The following CWH43 variants were observed in gnomAD, a reference collection of about 807,000 sequenced individuals.
CWH43 encodes the protein cell wall biogenesis 43 C-terminal homolog, also known as PGAP2-interacting protein.
CWH43 carries 91 observed loss-of-function variants against 85.7 expected under a neutral mutation model. That is an observed-to-expected ratio of 1.06 (90% confidence interval 0.90 to 1.26). The LOEUF (loss-of-function observed/expected upper bound fraction) is 1.26, where lower values mean the gene tolerates loss of function less well. Ranked by LOEUF, CWH43 falls within the 50% of genes most tolerant of loss-of-function variation. CWH43 has a pLI of 0.00. For missense variants in CWH43, 869 were observed against 839.2 expected, an observed-to-expected ratio of 1.04 and a Z score of -0.44; for synonymous variants, 323 against 293.6, an observed-to-expected ratio of 1.10 and a Z score of -1.02.
intron 3 of CWH43, 119 bp downstream of exon 3, chr4:48,991,693 T>TC: frequency 8.6e-7 from 1 of 1,169,480 alleles, no homozygotes. Flanking sequence ...TGTCAAAGTC[T>TC]CCTTTTTTTT....
At chr4:49,023,184 T>G (rs949482168) in intron 9 of CWH43, among the ~76,000 whole-genome samples, 9 of 152,214 alleles carry the variant, frequency 5.9e-5, no homozygotes, top group Non-Finnish European at 8.8e-5. Context: ...TGCTGTGAAC[T>G]TTCTTCTTAG....
chr4:49,056,757 CTT>C (rs1309296410), intron 15 of CWH43, among the ~76,000 whole-genome samples: 1 of 151,618 alleles, frequency 6.6e-6, no homozygotes, highest in Non-Finnish European at 1.5e-5. Context: ...TGTTTGATGT[CTT>C]TATTTTTTCT....
At chr4:49,027,854 C>A (rs1232176255) in intron 9 of CWH43, among the ~76,000 whole-genome samples, 1 of 152,098 alleles carries the variant, frequency 6.6e-6, no homozygotes, top group Non-Finnish European at 1.5e-5. Context: ...AGTAGGTAAT[C>A]ATTTGAGATG....
At chr4:48,991,706 T>G (rs1275198137) in intron 3 of CWH43, 132 bp downstream of exon 3, 11 of 1,121,574 alleles carry the variant, frequency 9.8e-6, no homozygotes, top group Non-Finnish European at 1.4e-5. Flanking sequence ...TTTTTTTTCC[T>G]TTTCCCAAAA....
At position 49,038,046 on chromosome 4, in the gene CWH43, G is replaced by A. The variant is rs749053330; in HGVS notation, c.1669G>A (p.Asp557Asn). 4.4e-6 allele frequency: 7 copies of A among 1,598,696 alleles called. No homozygotes were observed. Among genetic ancestry groups the A allele is most frequent in the South Asian group, 1.1e-5 (1 of 87,248 alleles). Residue 557 changes from aspartate (D) to asparagine (N), a missense_variant, in exon 13 of 16, where the codon GAC becomes AAC. Physicochemically the swap from Asp to Asn is conservative, Grantham distance 23. Around this residue, in one of 3 missense-constraint regions of CWH43, gnomAD observed 577 missense variants for 513.1 expected, o/e 1.12. Transcript: ENST00000226432. Reference sequence around the variant, plus strand: ...TTTTACATTTTTTAGAGATGACCTCGACAGGAAACTGCAGGCTATTGCTGT... The same window carrying A: ...TTTTACATTTTTTAGAGATGACCTCAACAGGAAACTGCAGGCTATTGCTGT... ...THFGNHEDDL[D>N]RKLQAIAVSK...
intron 1 of CWH43, chr4:48,986,764 C>A: frequency 2.4e-6 from 3 of 1,262,092 alleles, no homozygotes; most frequent in Non-Finnish European, 3.0e-6. Flanking sequence ...CTCCTCGTGT[C>A]GGCCTTGACC....
Position 48,992,529 on chromosome 4 carries a change from T to C in CWH43, c.511+439T>C, listed in dbSNP as rs1014345506. ...TCACTGGAACTCCCTGGGTTTTTTT[T>C]CCCAGAGGTCTGAAGCTCCAAATCT... On this transcript the variant is annotated intron_variant, in intron 4 of 15. Transcript: ENST00000226432. This position sits in a 1 kb window ranked among gnomAD's most constrained non-coding sequence, Gnocchi z 4.3. Among the ~76,000 whole-genome samples, 233 of 152,324 alleles carry C rather than the reference T, an allele frequency of 1.5e-3. 8 individuals are homozygous for C. Among genetic ancestry groups the C allele is most frequent in the Admixed American group, 9.2e-4 (14 of 15,300 alleles).
intron 15 of CWH43, among the ~76,000 whole-genome samples, chr4:49,056,822 A>G (rs1784979944): frequency 6.6e-6 from 1 of 152,100 alleles, no homozygotes; most frequent in South Asian, 2.1e-4. Flanking sequence ...TGTTTGCTAC[A>G]TCCTGTAAGT....
intron 13 of CWH43, among the ~76,000 whole-genome samples, chr4:49,041,203 C>A (rs1254668320): frequency 6.6e-6 from 1 of 152,134 alleles, no homozygotes; most frequent in Non-Finnish European, 1.5e-5. Context: ...GTTCTTTTGG[C>A]TTAGGATTGA....
chr4:49,047,370 G>T (rs1319141291), intron 14 of CWH43, among the ~76,000 whole-genome samples: 1 of 152,172 alleles, frequency 6.6e-6, no homozygotes. Context: ...GCTGGTGGAG[G>T]GAGGATGGAC....
chr4:49,038,649 C>T (rs571199309), intron 13 of CWH43, among the ~76,000 whole-genome samples: 1 of 152,228 alleles, frequency 6.6e-6, no homozygotes, highest in East Asian at 1.9e-4. Flanking sequence ...CATCACAATT[C>T]TGATCACATT....
intron 15 of CWH43, among the ~76,000 whole-genome samples, chr4:49,056,383 A>G (rs1175447930): frequency 2.6e-5 from 4 of 152,072 alleles, no homozygotes; most frequent in African/African-American, 9.7e-5. Context: ...GAATTTCTTC[A>G]TGAGTCAGTC....
chr4:49,017,193 ATTTAT>A (rs1432980739), intron 8 of CWH43, 51 bp from the exon 9 acceptor site: 12 of 1,468,308 alleles, frequency 8.2e-6, no homozygotes, highest in Admixed American at 5.5e-5. Context: ...GTGTCAGCAA[ATTTAT>A]TTTATTTTAT....
chr4:49,004,005 G>T lies in CWH43; in HGVS notation c.1060+13G>T, dbSNP rs1256173167. 4 of 1,599,086 alleles carry T rather than the reference G, an allele frequency of 2.5e-6. No homozygotes were observed. In the South Asian group the frequency reaches 3.3e-5, roughly 13 times the overall value. On this transcript the variant is annotated intron_variant, in intron 7 of 15. Coordinates refer to ENST00000226432, the MANE Select transcript of CWH43 (RefSeq NM_025087.3). ...GATGTGCTTTTGGGTGAGTACATTT[G>T]AAAGGTCTGGATTAAAATAATTGCT...
In CWH43 at chr4:49,061,938, G is replaced by T. The variant is rs764552294; in HGVS notation, c.*48G>T. On this transcript the variant is annotated 3_prime_UTR_variant, in exon 16 of 16. Transcript: ENST00000226432. ...TGGCTGGGAAAATCTAAGAAAAAAA[G>T]TATGTAAGATAAAAAGAAGAGATTA... is the stretch of plus-strand genomic sequence containing the variant. 8.0e-7 allele frequency: 1 copy of T among 1,252,890 alleles called. No homozygotes were observed. Among genetic ancestry groups the T allele is most frequent in the South Asian group, 1.8e-5 (1 of 56,516 alleles). 77.6% of individuals were successfully genotyped at this position (1,252,890 alleles called of 1,614,324 possible).
chr4:48,989,282 C>A (rs1782583176), intron 2 of CWH43, among the ~76,000 whole-genome samples: 1 of 152,132 alleles, frequency 6.6e-6, no homozygotes, highest in Admixed American at 6.5e-5. Context: ...ATATGTTTAT[C>A]TAGAGTTTGA....
intron 13 of CWH43, 45 bp downstream of exon 13, chr4:49,038,225 T>C: frequency 1.4e-6 from 2 of 1,438,754 alleles, no homozygotes; most frequent in East Asian, 2.4e-5. Flanking sequence ...AGTAAAACAT[T>C]TCTTTTTCTT....
At chr4:49,029,607 C>A (rs1358748709) in intron 10 of CWH43, among the ~76,000 whole-genome samples, 2 of 152,160 alleles carry the variant, frequency 1.3e-5, no homozygotes, top group Non-Finnish European at 2.9e-5. Context: ...CCTGCATGTC[C>A]CTGGGAATGG....
chr4:48,996,230 A>G (rs976494278), intron 5 of CWH43, among the ~76,000 whole-genome samples: 1 of 151,838 alleles, frequency 6.6e-6, no homozygotes, highest in Admixed American at 6.6e-5. Context: ...ATCACAGGGG[A>G]TCCTCCTTTA....
Sources: gnomAD v4.1 joint callset for allele counts (sites outside exome capture counted in the v4.1 genomes callset) on GRCh38, gnomAD v4.1.1 for gene constraint, gnomAD v4.1.1 regional missense constraint, Gnocchi (gnomAD v3.1) non-coding constraint, MANE v1.5 for transcripts, NCBI Gene and HGNC (gene_info 2026-07-23, HGNC 2026-07-21) for gene names.